Variants in PIK3R6 observed in about 807,000 individuals in gnomAD.
The protein encoded by PIK3R6 is phosphoinositide 3-kinase regulatory subunit 6.
Under a neutral mutation model 84.9 loss-of-function variants are expected in PIK3R6, and 91 were observed. The ratio of observed to expected loss-of-function variants is 1.07; its 90% CI spans 0.90 to 1.28. The LOEUF (loss-of-function observed/expected upper bound fraction) is 1.28, where lower values mean the gene tolerates loss of function less well. Among genes scored for constraint, PIK3R6 ranks in the 50% most tolerant of loss-of-function variants. The probability of loss-of-function intolerance (pLI) is 0.00; values close to 1 mark genes in which losing one functional copy is unlikely to be tolerated. For synonymous variants in PIK3R6, 416 were observed against 411.4 expected (o/e 1.01, Z -0.13); for missense variants, 996 against 985.1 (o/e 1.01, Z -0.15).
At chr17:8,864,724 A>G (rs1208340115) in intron 1 of PIK3R6, among the ~76,000 whole-genome samples, 1 of 151,528 alleles carries the variant, frequency 6.6e-6, no homozygotes, top group African/African-American at 2.4e-5. Context: ...TTTTTAGTAG[A>G]GACGGGGTTT....
chr17:8,829,588 A>C, intron 10 of PIK3R6, 118 bp downstream of exon 10: 1 of 1,064,994 alleles, frequency 9.4e-7, no homozygotes, highest in South Asian at 1.4e-5. Context: ...ACACACTGAC[A>C]CACACTCATG....
rs1040553487 is a variant in PIK3R6 at position 8,862,613 on chromosome 17, T to G, written c.-92+4916A>C. Among the ~76,000 whole-genome samples the G allele has an allele frequency of 6.6e-6, 1 of 152,180 alleles. No homozygotes were observed. Among genetic ancestry groups the G allele is most frequent in the African/African-American group, 2.4e-5 (1 of 41,430 alleles). On this transcript the variant is annotated intron_variant, in intron 1 of 19. Transcript: ENST00000619866. This position sits in a 1 kb window ranked among gnomAD's most constrained non-coding sequence, Gnocchi z 4.3. ...GTATCACGGACAGCTAAGGCTGCAA[T>G]GTTTGACTGCTGCTTTTGTGCCACA... is the stretch of plus-strand genomic sequence containing the variant.
intron 18 of PIK3R6, among the ~76,000 whole-genome samples, chr17:8,813,966 T>A (rs1202287408): frequency 6.6e-6 from 1 of 152,122 alleles, no homozygotes; most frequent in East Asian, 1.9e-4. Context: ...AGTGAAATTA[T>A]CCCAGCTCCA....
intron 2 of PIK3R6, among the ~76,000 whole-genome samples, chr17:8,843,733 C>T (rs1215897509): frequency 6.6e-6 from 1 of 152,098 alleles, no homozygotes. Flanking sequence ...ATCTGACAAT[C>T]TGCTGACACC....
intron 2 of PIK3R6, among the ~76,000 whole-genome samples, chr17:8,849,081 C>G (rs1761267619): frequency 9.2e-6 from 1 of 108,360 alleles, no homozygotes; most frequent in African/African-American, 4.1e-5. Flanking sequence ...GGGTAAGAGT[C>G]CAGGCTTTGA....
chr17:8,838,477 T>C (rs2151274269), intron 4 of PIK3R6, 87 bp downstream of exon 4: 1 of 1,221,128 alleles, frequency 8.2e-7, no homozygotes, highest in Non-Finnish European at 1.2e-6. Flanking sequence ...GCTTATGAGA[T>C]ATAGCGCTGC....
chr17:8,840,021 C>T (rs1339612449), intron 2 of PIK3R6, among the ~76,000 whole-genome samples: 2 of 151,872 alleles, frequency 1.3e-5, no homozygotes, highest in South Asian at 2.1e-4. Flanking sequence ...TTAGAAAATA[C>T]ATGTATGTAT....
chr17:8,803,211 G>A lies in PIK3R6; in HGVS notation c.*62C>T. ...GCCGGGCCTTGCTCTGGCTGTTGGT[G>A]TGAGTGTTTGGAGTTGGTGGGGTAG... is the stretch of plus-strand genomic sequence containing the variant. On this transcript the variant is annotated 3_prime_UTR_variant, in exon 20 of 20. Coordinates refer to ENST00000619866, the MANE Select transcript of PIK3R6 (RefSeq NM_001010855.4). This position sits in a 1 kb window ranked among gnomAD's most constrained non-coding sequence, Gnocchi z 5.0. The A allele has an allele frequency of 1.3e-6, 2 of 1,597,700 alleles. No homozygotes were observed. Among genetic ancestry groups the A allele is most frequent in the Non-Finnish European group, 1.7e-6 (2 of 1,169,368 alleles).
chr17:8,819,691 C>T (rs7342923), intron 17 of PIK3R6, among the ~76,000 whole-genome samples: 17,142 of 103,238 alleles, frequency 0.17, 1,849 homozygotes, highest in African/African-American at 0.35. Context: ...TATATATATA[C>T]ACACACACAC....
chr17:8,837,680 C>T, intron 5 of PIK3R6, 123 bp downstream of exon 5: 1 of 816,822 alleles, frequency 1.2e-6, no homozygotes, highest in Non-Finnish European at 2.0e-6. Flanking sequence ...CAGTTTAGGG[C>T]AGGCAATCCA....
In PIK3R6 at chr17:8,827,295, C is replaced by T; in HGVS notation, c.1393-1G>A. On this transcript the variant is annotated splice_acceptor_variant, in intron 12 of 19. Transcript: ENST00000619866. LOFTEE classifies it high-confidence loss of function. The stretch of plus-strand genomic sequence containing the variant: ...CCGGCTGCCTGGATGCTGCAGGCTT[C>T]TGGGGGAAAGGGGATGGGGCAGACC... 2 of 1,552,514 alleles carry T rather than the reference C, an allele frequency of 1.3e-6. No individual in the cohort carries two copies. The highest frequency in any genetic ancestry group is 1.7e-6 in the Non-Finnish European group (2 of 1,148,188).
chr17:8,820,818 A>G (rs2087710438), intron 17 of PIK3R6, among the ~76,000 whole-genome samples: 2 of 152,202 alleles, frequency 1.3e-5, no homozygotes, highest in South Asian at 4.1e-4. Flanking sequence ...GCAAAGCCAC[A>G]GTGGATTTCA....
At chr17:8,830,944 C>T (rs1230670313) in intron 9 of PIK3R6, among the ~76,000 whole-genome samples, 1 of 151,586 alleles carries the variant, frequency 6.6e-6, no homozygotes, top group Non-Finnish European at 1.5e-5. Context: ...GAGATCGCAA[C>T]CATCCTGGCT....
chr17:8,831,437 A>G (rs1399864491), intron 9 of PIK3R6, among the ~76,000 whole-genome samples: 1 of 151,664 alleles, frequency 6.6e-6, no homozygotes, highest in East Asian at 1.9e-4. Context: ...TAATCCATGC[A>G]GAGTCACTGG....
At chr17:8,817,740 G>T (rs918639188) in intron 18 of PIK3R6, among the ~76,000 whole-genome samples, 1 of 152,166 alleles carries the variant, frequency 6.6e-6, no homozygotes, top group Admixed American at 6.6e-5. Context: ...CAACATGGAG[G>T]TGACTTTGCC....
chr17:8,811,922 C>T, intron 18 of PIK3R6, among the ~76,000 whole-genome samples: 1 of 144,226 alleles, frequency 6.9e-6, no homozygotes, highest in Non-Finnish European at 1.5e-5. Flanking sequence ...CCCCATTCTA[C>T]TGGTACCAAT....
intron 18 of PIK3R6, among the ~76,000 whole-genome samples, chr17:8,807,647 G>A (rs546809823): frequency 2.0e-5 from 3 of 152,296 alleles, no homozygotes; most frequent in Admixed American, 1.3e-4. Flanking sequence ...GGCAACTAGC[G>A]TGAGCAAAGG....
intron 18 of PIK3R6, among the ~76,000 whole-genome samples, chr17:8,808,930 C>T (rs533978267): frequency 6.6e-6 from 1 of 152,264 alleles, no homozygotes; most frequent in East Asian, 1.9e-4. Flanking sequence ...AGGGCTTCAG[C>T]TCTAGTGATG....
Position 8,803,425 on chromosome 17 carries a change from C to T in PIK3R6, c.2113G>A (p.Glu705Lys), listed in dbSNP as rs911267752. The change falls in exon 20 of 20, where the codon GAG (glutamate) becomes AAG (lysine). Residue 705 changes from glutamate (E) to lysine (K), a missense_variant. Transcript: ENST00000619866. This position sits in a 1 kb window ranked among gnomAD's most constrained non-coding sequence, Gnocchi z 5.0. Reference sequence around the variant, plus strand: ...CATGGTTCTGGGCAGGGAGCAACCTCGAATCTGTGGGTGGAGAGAGACCAG... The same window carrying T: ...CATGGTTCTGGGCAGGGAGCAACCTTGAATCTGTGGGTGGAGAGAGACCAG... The part of the protein sequence containing the change: ...QRTFRDVVRF[E>K]VAPCPEPCSG... 27 of 1,601,900 alleles carry T rather than the reference C, an allele frequency of 1.7e-5. No homozygotes were observed. In the East Asian group the frequency reaches 2.9e-4, roughly 17 times the overall value.
Sources: allele counts gnomAD v4.1 joint callset (sites outside exome capture counted in the v4.1 genomes callset), GRCh38; gene constraint gnomAD v4.1.1; non-coding constraint Gnocchi (gnomAD v3.1); transcripts MANE v1.5; gene names NCBI Gene and HGNC (gene_info 2026-07-23, HGNC 2026-07-21).